The following TRIM2 variants were observed in gnomAD, a reference collection of about 807,000 sequenced individuals.
TRIM2 encodes tripartite motif-containing protein 2.
Under a neutral mutation model 75.2 loss-of-function variants are expected in TRIM2, and 20 were observed. The ratio of observed to expected loss-of-function variants is 0.27; its 90% CI spans 0.19 to 0.39. TRIM2 has a LOEUF of 0.39. Ranked by LOEUF, TRIM2 falls within the 10% of genes least tolerant of loss-of-function variation. The probability of loss-of-function intolerance (pLI) is 1.00; values close to 1 mark genes in which losing one functional copy is unlikely to be tolerated. For missense variants in TRIM2, 660 were observed against 990.8 expected (o/e 0.67, Z 4.48); for synonymous variants, 373 against 388.3 (o/e 0.96, Z 0.46).
intron 1 of TRIM2, among the ~76,000 whole-genome samples, chr4:153,266,566 C>A (rs548840601): frequency 6.6e-6 from 1 of 151,650 alleles, no homozygotes; most frequent in African/African-American, 2.4e-5. Context: ...TGGTCTGGAT[C>A]TCTTGACCTC....
intron 1 of TRIM2, among the ~76,000 whole-genome samples, chr4:153,153,784 C>T (rs1480210403): frequency 6.6e-6 from 1 of 152,152 alleles, no homozygotes; most frequent in African/African-American, 2.4e-5. Flanking sequence ...GTCCGGGCCC[C>T]GGAGGGGGCG....
intron 11 of TRIM2, 71 bp downstream of exon 11, chr4:153,328,741 C>T (rs1770801656): frequency 6.8e-7 from 1 of 1,460,364 alleles, no homozygotes; most frequent in Non-Finnish European, 9.1e-7. Context: ...TTGCTGTCCC[C>T]CAAACTGGAA....
chr4:153,293,207 T>TA, intron 4 of TRIM2, 74 bp downstream of exon 4: 3 of 1,413,732 alleles, frequency 2.1e-6, no homozygotes, highest in Non-Finnish European at 1.9e-6. Flanking sequence ...CTTGTCTAGG[T>TA]ACAAGAGTAG....
Position 153,307,587 on chromosome 4 carries a change from A to T in TRIM2, c.1511-7898A>T, listed in dbSNP as rs139039225. ...TGTTCATTTCTTTGGCTTACAGGAG[A>T]GACTAGACAGGAAAGCCAGGCAATG... On this transcript the variant is annotated intron_variant, in intron 6 of 11. Transcript: ENST00000338700. 6.8e-3 allele frequency among the ~76,000 whole-genome samples: 1,028 copies of T among 152,228 alleles called. 12 individuals are homozygous for T. Among genetic ancestry groups the T allele is most frequent in the African/African-American group, 0.023 (969 of 41,536 alleles).
intron 1 of TRIM2, among the ~76,000 whole-genome samples, chr4:153,194,665 T>C (rs1733587490): frequency 6.6e-6 from 1 of 152,112 alleles, no homozygotes; most frequent in African/African-American, 2.4e-5. Flanking sequence ...CTATCTTCAT[T>C]GTGGTGATGG....
At chr4:153,297,159 T>G (rs1167488710) in intron 6 of TRIM2, among the ~76,000 whole-genome samples, 1 of 152,190 alleles carries the variant, frequency 6.6e-6, no homozygotes, top group Non-Finnish European at 1.5e-5. Flanking sequence ...TGGGCAGAGC[T>G]GCTCAATGTT....
chr4:153,324,255 C>A, intron 10 of TRIM2, 107 bp downstream of exon 10: 2 of 911,410 alleles, frequency 2.2e-6, no homozygotes, highest in South Asian at 1.6e-5. Flanking sequence ...GGGAGTTAAC[C>A]AGCAGAGTAG....
At chr4:153,300,311 C>T (rs186771866) in intron 6 of TRIM2, among the ~76,000 whole-genome samples, 1 of 151,786 alleles carries the variant, frequency 6.6e-6, no homozygotes, top group Non-Finnish European at 1.5e-5. Context: ...AGTACAATGG[C>T]GAGATCATGG....
chr4:153,321,786 C>G (rs1769043058), intron 8 of TRIM2, among the ~76,000 whole-genome samples: 1 of 152,182 alleles, frequency 6.6e-6, no homozygotes, highest in Non-Finnish European at 1.5e-5. Flanking sequence ...GTGATGGCTT[C>G]CCTACAGTGA....
chr4:153,243,053 C>T (rs1418935416), intron 1 of TRIM2, among the ~76,000 whole-genome samples: 1 of 152,232 alleles, frequency 6.6e-6, no homozygotes, highest in African/African-American at 2.4e-5. Flanking sequence ...ACTCTGTCAC[C>T]TCCAAGGTCC....
chr4:153,221,397 C>T (rs1163639855), intron 1 of TRIM2, among the ~76,000 whole-genome samples: 1 of 152,158 alleles, frequency 6.6e-6, no homozygotes, highest in South Asian at 2.1e-4. Context: ...CACTGCACTC[C>T]AGTCTGGACA....
At chr4:153,302,738 A>G (rs968531209) in intron 6 of TRIM2, among the ~76,000 whole-genome samples, 1 of 152,222 alleles carries the variant, frequency 6.6e-6, no homozygotes, top group Non-Finnish European at 1.5e-5. Flanking sequence ...TTGTGCATGA[A>G]TTCTTTTCCC....
chr4:153,325,377 C>A (rs557848708), intron 10 of TRIM2, among the ~76,000 whole-genome samples: 2 of 152,216 alleles, frequency 1.3e-5, no homozygotes, highest in South Asian at 2.1e-4. Flanking sequence ...TGGCATAGGT[C>A]CCCCCTACAC....
At chr4:153,296,137 A>G (rs946812456) in intron 6 of TRIM2, 101 bp downstream of exon 6, 1 of 1,403,326 alleles carries the variant, frequency 7.1e-7, no homozygotes, top group Admixed American at 2.6e-5. Context: ...CCAGAACTCT[A>G]CCTGCAGGTG....
intron 8 of TRIM2, among the ~76,000 whole-genome samples, chr4:153,317,834 C>T (rs753926353): frequency 2.6e-5 from 4 of 152,002 alleles, no homozygotes; most frequent in Non-Finnish European, 5.9e-5. Flanking sequence ...GTTGCACAGG[C>T]CTGTAGTCCC....
chr4:153,286,434 A>T (rs1760632123), intron 3 of TRIM2, among the ~76,000 whole-genome samples: 1 of 152,044 alleles, frequency 6.6e-6, no homozygotes. Flanking sequence ...GGTTGAATTC[A>T]CCAGTGAAGC....
intron 1 of TRIM2, among the ~76,000 whole-genome samples, chr4:153,215,251 A>C (rs1276301678): frequency 6.6e-6 from 1 of 152,092 alleles, no homozygotes; most frequent in African/African-American, 2.4e-5. Context: ...CTGATTACTG[A>C]GATCTAGACA....
intron 1 of TRIM2, among the ~76,000 whole-genome samples, chr4:153,211,049 CA>C (rs1350310136): frequency 6.6e-6 from 1 of 152,160 alleles, no homozygotes; most frequent in Non-Finnish European, 1.5e-5. Context: ...CATCACTGTC[CA>C]GGGGCATTCA....
intron 8 of TRIM2, among the ~76,000 whole-genome samples, chr4:153,317,445 G>C (rs1174093477): frequency 2.0e-5 from 3 of 149,364 alleles, no homozygotes; most frequent in Non-Finnish European, 4.5e-5. Context: ...TCAGGAGATC[G>C]AGACCATCCT....
Sources: gnomAD v4.1 joint callset for allele counts (sites outside exome capture counted in the v4.1 genomes callset) on GRCh38, gnomAD v4.1.1 for gene constraint, MANE v1.5 for transcripts, NCBI Gene and HGNC (gene_info 2026-07-23, HGNC 2026-07-21) for gene names.